Variants in RINT1 observed in about 807,000 individuals in gnomAD.
RINT1 encodes the protein RAD50-interacting protein 1.
A neutral mutation model predicts 97.7 loss-of-function variants in RINT1; 75 were observed. The ratio of observed to expected loss-of-function variants is 0.77; its 90% CI spans 0.64 to 0.93. The LOEUF is 0.93. RINT1 is among the 40% of genes least tolerant of loss of function. The pLI, the probability that RINT1 is intolerant of heterozygous loss-of-function variation, is 0.00. For synonymous variants in RINT1, 303 were observed against 326.3 expected (o/e 0.93, Z 0.77); for missense variants, 892 against 925.2 (o/e 0.96, Z 0.47).
At chr7:105,567,059 G>C (rs1586277832) in intron 14 of RINT1, 60 bp from the exon 15 acceptor site, 1 of 1,079,452 alleles carries the variant, frequency 9.3e-7, no homozygotes, top group African/African-American at 1.6e-5. Context: ...TCTCAAAATT[G>C]TAATATAATT....
intron 3 of RINT1, among the ~76,000 whole-genome samples, chr7:105,541,136 C>G (rs1261893967): frequency 6.7e-6 from 1 of 150,176 alleles, no homozygotes; most frequent in East Asian, 2.0e-4. Flanking sequence ...CCGCACCCAG[C>G]TTGCATTTTT....
intron 12 of RINT1, among the ~76,000 whole-genome samples, 154 bp downstream of exon 12, chr7:105,564,101 T>A (rs567326177): frequency 9.9e-5 from 15 of 152,176 alleles, no homozygotes; most frequent in African/African-American, 3.4e-4. Context: ...TCTTGGACAT[T>A]TTTTTTGAGA....
rs764947463 is a variant in RINT1 at position 105,542,551 on chromosome 7, A to G, written c.417A>G (p.Gln139=). 2.5e-6 allele frequency: 4 copies of G among 1,614,174 alleles called. No individual in the cohort carries two copies. Among genetic ancestry groups the G allele is most frequent in the African/African-American group, 1.3e-5 (1 of 75,050 alleles). ...SAINSHLLTA[Q]PWMDDLGTMI... ...TTAACAGCCATTTGCTGACTGCGCAACCTTGGATGGACGATCTTGGAACCA... is the reference window on the plus strand; with the variant it reads ...TTAACAGCCATTTGCTGACTGCGCAGCCTTGGATGGACGATCTTGGAACCA... Residue 139 remains glutamine, a synonymous_variant, in exon 4 of 15, where the codon CAA becomes CAG. Transcript: ENST00000257700.
At chr7:105,539,948 G>T (rs920095566) in intron 3 of RINT1, among the ~76,000 whole-genome samples, 1 of 152,186 alleles carries the variant, frequency 6.6e-6, no homozygotes, top group Non-Finnish European at 1.5e-5. Flanking sequence ...GCAGTGCCTG[G>T]TACAGAATAA....
At chr7:105,564,989 A>C in intron 12 of RINT1, 1 of 251,232 alleles carries the variant, frequency 4.0e-6, no homozygotes, top group Non-Finnish European at 7.5e-6. Flanking sequence ...CTACATAAAT[A>C]AAATGCAAAA....
chr7:105,558,256 T>C (rs1056554174), intron 11 of RINT1, among the ~76,000 whole-genome samples: 21 of 149,582 alleles, frequency 1.4e-4, no homozygotes, highest in Non-Finnish European at 2.4e-4. Context: ...GAATACGCCA[T>C]TGCACTCCAG....
At chr7:105,541,827 G>A (rs1289238538) in intron 3 of RINT1, 2 of 152,154 alleles carry the variant, frequency 1.3e-5, no homozygotes, top group Non-Finnish European at 2.9e-5. Context: ...AGCCTATGGA[G>A]GCAGACCTCT....
rs911764452 is a variant in RINT1, at chr7:105,557,454, T to G, written c.1671+2227T>G. On this transcript the variant is annotated intron_variant, in intron 11 of 14. Transcript: ENST00000257700. ...ATTAATTTAAAATATCTGTACATTA[T>G]CTTAATGCAATAAAACAGGAAATAA... Among the ~76,000 whole-genome samples the G allele has an allele frequency of 2.0e-5, 3 of 152,212 alleles. No homozygotes were observed. The South Asian group carries it at 6.2e-4, about 31-fold the overall frequency.
intron 11 of RINT1, among the ~76,000 whole-genome samples, chr7:105,561,672 C>T (rs1791447791): frequency 6.6e-6 from 1 of 152,146 alleles, no homozygotes; most frequent in Admixed American, 6.5e-5. Context: ...AGCAATTCTT[C>T]TGCCTCAGCC....
intron 3 of RINT1, among the ~76,000 whole-genome samples, chr7:105,540,254 A>G (rs191612745): frequency 2.1e-4 from 31 of 148,788 alleles, no homozygotes; most frequent in Non-Finnish European, 3.6e-4. Context: ...TCATTTTTGT[A>G]TTTGTATTTA....
In RINT1 at chr7:105,567,567, TGAA is replaced by T; in HGVS notation, c.*259_*261del. 1.6e-6 allele frequency: 1 copy of T among 634,964 alleles called. No individual in the cohort carries two copies. The highest frequency in any genetic ancestry group is 1.7e-5 in the South Asian group (1 of 58,240). The allele number at this position is 634,964 out of a possible 1,614,324, so 39.3% of individuals were successfully genotyped here. A position where few individuals can be genotyped will look rare whatever the true frequency, so the allele number is the denominator to read the frequency against. On this transcript the variant is annotated 3_prime_UTR_variant, in exon 15 of 15. Coordinates refer to ENST00000257700, the MANE Select transcript of RINT1 (RefSeq NM_021930.6). The stretch of plus-strand genomic sequence containing the variant: ...AAGTATAAATGCTGAGTATGTCTGT[TGAA>T]GACGAGCAGAGATATTAAATTATAA...
intron 2 of RINT1, among the ~76,000 whole-genome samples, chr7:105,533,603 C>T (rs967144266): frequency 6.6e-6 from 1 of 152,144 alleles, no homozygotes; most frequent in Non-Finnish European, 1.5e-5. Flanking sequence ...GTAAGAAAAA[C>T]GGTGCCCACA....
At chr7:105,542,158 A>G (rs2392749) in intron 3 of RINT1, 69,214 of 329,104 alleles carry the variant, frequency 0.21, 9,161 homozygotes, top group African/African-American at 0.42. Context: ...GTGAGACCTT[A>G]TTTCTATTTA....
intron 10 of RINT1, among the ~76,000 whole-genome samples, chr7:105,552,666 CTTTTTTTTTTTTTTT>C (rs386410906): frequency 2.5e-5 from 2 of 79,996 alleles, no homozygotes; most frequent in African/African-American, 8.8e-5. Flanking sequence ...TAAATAATTC[CTTTTTTTTTTTTTTT>C]TTTTTTTTTT....
chr7:105,557,123 A>G (rs1241321803), intron 11 of RINT1, among the ~76,000 whole-genome samples: 2 of 152,202 alleles, frequency 1.3e-5, no homozygotes, highest in African/African-American at 2.4e-5. Context: ...TAGACATTAA[A>G]TATTAAAGAA....
At position 105,542,510 on chromosome 7, in the gene RINT1, C is replaced by T. The variant is rs145688388; in HGVS notation, c.376C>T (p.His126Tyr). 2.8e-4 allele frequency: 453 copies of T among 1,614,140 alleles called. No homozygotes were observed. The highest frequency in any genetic ancestry group is 3.6e-4 in the Non-Finnish European group (424 of 1,179,998). ...TAATCAGTTTCTGGAGCAGGAAACT[C>T]ATCTCTTCAGCGCCATTAACAGCCA... ...FLNQFLEQET[H>Y]LFSAINSHLL... Residue 126 changes from histidine to tyrosine, a missense_variant, in exon 4 of 15, where the codon CAT (histidine) becomes TAT (tyrosine). His to Tyr is a moderately conservative substitution (Grantham distance 83). Coordinates refer to ENST00000257700, the MANE Select transcript of RINT1 (RefSeq NM_021930.6).
intron 2 of RINT1, 53 bp downstream of exon 2, chr7:105,532,922 C>G: frequency 6.5e-7 from 1 of 1,544,688 alleles, no homozygotes; most frequent in Non-Finnish European, 9.0e-7. Flanking sequence ...ACTCAGCCTT[C>G]CAGGGTCTGC....
At position 105,545,450 on chromosome 7, in the gene RINT1, T is replaced by TAA. The variant is rs886298162; in HGVS notation, c.516-1447_516-1446dup. Among the ~76,000 whole-genome samples the TAA allele has an allele frequency of 3.6e-3, 507 of 138,914 alleles. 4 individuals carry two copies. The highest frequency in any genetic ancestry group is 0.013 in the African/African-American group (486 of 37,788). The allele number at this position is 138,914 out of a possible 152,430, so 91.1% of individuals were successfully genotyped here. On this transcript the variant is annotated intron_variant, in intron 4 of 14. Coordinates refer to ENST00000257700, the MANE Select transcript of RINT1 (RefSeq NM_021930.6). ...CCTAGGTGACAGAGTGAGACTCTTTTAAAAAAAAAAAAAAGGCAGTACTCA... is the reference window on the plus strand; with the variant it reads ...CCTAGGTGACAGAGTGAGACTCTTTTAAAAAAAAAAAAAAAAGGCAGTACTCA...
intron 4 of RINT1, among the ~76,000 whole-genome samples, chr7:105,545,609 T>TG (rs1355425822): frequency 2.6e-5 from 4 of 151,534 alleles, no homozygotes; most frequent in African/African-American, 9.7e-5. Flanking sequence ...CACTGCAACC[T>TG]CTGTCTTCTG....
Sources: gnomAD v4.1 joint callset for allele counts (sites outside exome capture counted in the v4.1 genomes callset) on GRCh38, gnomAD v4.1.1 for gene constraint, MANE v1.5 for transcripts, NCBI Gene and HGNC (gene_info 2026-07-23, HGNC 2026-07-21) for gene names.